Variants in UROC1 observed in about 807,000 individuals in gnomAD.
UROC1 encodes urocanate hydratase 1.
UROC1 carries 79 observed loss-of-function variants against 89.5 expected under a neutral mutation model. The observed-to-expected ratio is 0.88, with a 90% CI of 0.74 to 1.06. The LOEUF is 1.06. Ranked by LOEUF, UROC1 falls within the 50% of genes least tolerant of loss-of-function variation. The pLI, the probability that UROC1 is intolerant of heterozygous loss-of-function variation, is 0.00. For missense variants in UROC1, 885 were observed against 907.8 expected (o/e 0.97, Z 0.32); for synonymous variants, 361 against 354.8 (o/e 1.02, Z -0.20).
chr3:126,499,555 C>CCGTGG, intron 12 of UROC1, 146 bp from the exon 13 acceptor site: 1 of 833,180 alleles, frequency 1.2e-6, no homozygotes, highest in Non-Finnish European at 2.0e-6. Context: ...GCAGGGGCAG[C>CCGTGG]CGTGGCCAGC....
intron 16 of UROC1, among the ~76,000 whole-genome samples, chr3:126,490,803 C>T (rs1935633229): frequency 6.6e-6 from 1 of 152,160 alleles, no homozygotes; most frequent in African/African-American, 2.4e-5. Context: ...AGCATGTCAG[C>T]CTGGCTCTGC....
At chr3:126,508,567 G>C in intron 3 of UROC1, 92 bp from the exon 4 acceptor site, 1 of 1,038,614 alleles carries the variant, frequency 9.6e-7, no homozygotes, top group Non-Finnish European at 1.5e-6. Context: ...TCCCCTGGGG[G>C]CCCAATGGGA....
chr3:126,497,915 C>T lies in UROC1; in HGVS notation c.1438+136G>A, dbSNP rs529106016. ...TTTGTGTTGCCAGCTGAGCACCCAC[C>T]AGACTCACAAAGTCATCTGCGCCCA... is the stretch of plus-strand genomic sequence containing the variant. On this transcript the variant is annotated intron_variant, in intron 14 of 19. Coordinates refer to ENST00000290868, the MANE Select transcript of UROC1 (RefSeq NM_144639.3). 57 of 1,481,924 alleles carry T rather than the reference C, an allele frequency of 3.8e-5. No homozygotes were observed. The African/African-American group carries it at 7.4e-4, about 19-fold the overall frequency. 91.8% of individuals were successfully genotyped at this position (1,481,924 alleles called of 1,614,324 possible). A position where few individuals can be genotyped will look rare whatever the true frequency, so the allele number is the denominator to read the frequency against.
intron 9 of UROC1, among the ~76,000 whole-genome samples, 179 bp downstream of exon 9, chr3:126,503,816 T>C (rs1013817467): frequency 1.3e-5 from 2 of 152,192 alleles, no homozygotes; most frequent in East Asian, 1.9e-4. Flanking sequence ...AGCCCTTGTG[T>C]GCGTGTGTGT....
intron 1 of UROC1, among the ~76,000 whole-genome samples, chr3:126,511,365 C>G (rs547912915): frequency 2.0e-5 from 3 of 152,228 alleles, no homozygotes; most frequent in Non-Finnish European, 4.4e-5. Context: ...CCATCCTCTT[C>G]TAACTCCTTT....
chr3:126,496,175 G>A, intron 14 of UROC1, 67 bp from the exon 15 acceptor site: 1 of 1,500,918 alleles, frequency 6.7e-7, no homozygotes, highest in Non-Finnish European at 9.2e-7. Context: ...CAGGCAGGCT[G>A]CTCAGCTCAG....
chr3:126,493,870 C>T (rs953443602), intron 15 of UROC1, among the ~76,000 whole-genome samples: 3 of 152,196 alleles, frequency 2.0e-5, no homozygotes, highest in Non-Finnish European at 4.4e-5. Flanking sequence ...CTGGTGAGCT[C>T]GACCAGGAGC....
At chr3:126,514,222 G>A (rs1489851915) in intron 1 of UROC1, among the ~76,000 whole-genome samples, 1 of 152,224 alleles carries the variant, frequency 6.6e-6, no homozygotes, top group African/African-American at 2.4e-5. Context: ...GTGGAGCTCT[G>A]CCCCTCAAGA....
intron 13 of UROC1, 131 bp from the exon 14 acceptor site, chr3:126,498,303 A>G: frequency 1.3e-6 from 2 of 1,515,780 alleles, no homozygotes; most frequent in Non-Finnish European, 1.8e-6. Context: ...CTGTCATTGG[A>G]CAGAAAGTTC....
chr3:126,489,470 C>T (rs1935595747), intron 16 of UROC1, 95 bp from the exon 17 acceptor site: 2 of 953,710 alleles, frequency 2.1e-6, no homozygotes, highest in African/African-American at 1.6e-5. Context: ...CCAGAACCCG[C>T]TGGATTTCTC....
At chr3:126,487,950 A>C (rs1344298031) in intron 18 of UROC1, among the ~76,000 whole-genome samples, 5 of 152,208 alleles carry the variant, frequency 3.3e-5, no homozygotes, top group Admixed American at 3.3e-4. Context: ...TGCAGAGCCT[A>C]AGAGGCCCCT....
chr3:126,508,242 C>T, intron 4 of UROC1, 147 bp from the exon 5 acceptor site: 1 of 1,489,642 alleles, frequency 6.7e-7, no homozygotes, highest in South Asian at 1.1e-5. Context: ...CTCAACACCA[C>T]CTCGCCCATT....
In UROC1 at chr3:126,500,098, CAGA is replaced by C. The variant is rs779196796; in HGVS notation, c.1199_1201del (p.Phe400del). Reference sequence around the variant, plus strand: ...CAAGAGGAAGGCATTGCCGTAGTCCCAGAAGAAGAACTTCTCCTCGGCCAACCT... The same window carrying C: ...CAAGAGGAAGGCATTGCCGTAGTCCCAGAAGAACTTCTCCTCGGCCAACCT... On this transcript the variant is annotated inframe_deletion, in exon 12 of 20. Coordinates refer to ENST00000290868, the MANE Select transcript of UROC1 (RefSeq NM_144639.3). 2.5e-5 allele frequency: 40 copies of C among 1,613,932 alleles called. 1 individual carries two copies. In the South Asian group the frequency reaches 3.5e-4, roughly 14 times the overall value.
At chr3:126,510,639 T>G (rs1936171409) in intron 2 of UROC1, 25 bp downstream of exon 2, 1 of 1,613,042 alleles carries the variant, frequency 6.2e-7, no homozygotes, top group Admixed American at 1.7e-5. Flanking sequence ...TCGGGTCCCT[T>G]TGAAGCTGTA....
Sources: allele counts gnomAD v4.1 joint callset (sites outside exome capture counted in the v4.1 genomes callset), GRCh38; gene constraint gnomAD v4.1.1; transcripts MANE v1.5; gene names NCBI Gene and HGNC (gene_info 2026-07-23, HGNC 2026-07-21).